The following ADCY3 variants were observed in gnomAD, a reference collection of about 807,000 sequenced individuals.
The protein encoded by ADCY3 is adenylate cyclase type 3.
A neutral mutation model predicts 119.4 loss-of-function variants in ADCY3; 70 were observed. The observed-to-expected ratio is 0.59, with a 90% CI of 0.48 to 0.72. ADCY3 has a LOEUF of 0.72. Ranked by LOEUF, ADCY3 falls within the 30% of genes least tolerant of loss-of-function variation. ADCY3 has a pLI of 0.00. For synonymous variants in ADCY3, 672 were observed against 621.4 expected, an observed-to-expected ratio of 1.08 and a Z score of -1.21; for missense variants, 1,238 against 1,541.6, an observed-to-expected ratio of 0.80 and a Z score of 3.30.
intron 3 of ADCY3, among the ~76,000 whole-genome samples, chr2:24,851,608 T>C (rs769007564): frequency 1.4e-4 from 22 of 152,162 alleles, no homozygotes; most frequent in Non-Finnish European, 2.8e-4. Context: ...TCTCATCTGC[T>C]TTAATGTTGT....
chr2:24,839,740 G>A, intron 7 of ADCY3, 133 bp downstream of exon 7: 3 of 1,308,322 alleles, frequency 2.3e-6, no homozygotes, highest in Non-Finnish European at 3.2e-6. Flanking sequence ...CGAGACAGGA[G>A]GAATGCTGTT....
Position 24,821,579 on chromosome 2 carries a change from G to A in ADCY3, c.3065C>T (p.Ala1022Val), listed in dbSNP as rs1404114442. ...HLADLADFAL[A>V]MKDTLTNINN... is the part of the protein sequence containing the mutation. ...GATGTTGGTGAGCGTATCCTTCATG[G>A]CCAGCGCGAAGTCGGCCAGGTCAGC... Residue 1022 changes from alanine (A) to valine (V), a missense_variant, in exon 20 of 22, where the codon GCC becomes GTC. Physicochemically the swap from Ala to Val is moderately conservative, Grantham distance 64. This residue lies in a region of ADCY3 where 63 missense variants were observed against 62.8 expected (regional missense o/e 1.00). Transcript: ENST00000679454. The A allele has an allele frequency of 6.2e-7, 1 of 1,614,026 alleles. No homozygotes were observed. Among genetic ancestry groups the A allele is most frequent in the African/African-American group, 1.3e-5 (1 of 74,932 alleles).
intron 6 of ADCY3, 110 bp from the exon 7 acceptor site, chr2:24,840,141 G>A (rs1558435698): frequency 7.0e-7 from 1 of 1,436,776 alleles, no homozygotes. Context: ...CTCCACAAGA[G>A]GGGGCCTGGC....
At position 24,834,336 on chromosome 2, in the gene ADCY3, G is replaced by T; in HGVS notation, c.1967+149C>A. On this transcript the variant is annotated intron_variant, in intron 11 of 21. Transcript: ENST00000679454. This position sits in a 1 kb window ranked among gnomAD's most constrained non-coding sequence, Gnocchi z 4.2. ...CCAGGGTGCCGTCTAGCACTCCTGG[G>T]GCCTGTGGGGGCCGTCCCAGTGGGG... 1.0e-6 allele frequency: 1 copy of T among 963,590 alleles called. No individual in the cohort carries two copies. Among genetic ancestry groups the T allele is most frequent in the Non-Finnish European group, 1.5e-6 (1 of 665,006 alleles). 59.7% of individuals were successfully genotyped at this position (963,590 alleles called of 1,614,324 possible).
chr2:24,847,090 C>G (rs554342277), intron 3 of ADCY3, among the ~76,000 whole-genome samples: 1 of 152,268 alleles, frequency 6.6e-6, no homozygotes, highest in East Asian at 1.9e-4. Flanking sequence ...CAAATCTCAA[C>G]TTGAATTCTA....
chr2:24,841,155 C>G lies in ADCY3; in HGVS notation c.1196+104G>C, dbSNP rs1434449804. On this transcript the variant is annotated intron_variant, in intron 6 of 21. Coordinates refer to ENST00000679454, the MANE Select transcript of ADCY3 (RefSeq NM_004036.5). This position sits in a 1 kb window ranked among gnomAD's most constrained non-coding sequence, Gnocchi z 5.8. ...GTCCCAGTCTCTGCTTCCAGCAGAT[C>G]CCCCACCCAGGGGCCATGGCCAGCG... The G allele has an allele frequency of 3.1e-6, 4 of 1,302,874 alleles. No homozygotes were observed. The highest frequency in any genetic ancestry group is 4.1e-6 in the Non-Finnish European group (4 of 977,768). The allele number at this position is 1,302,874 out of a possible 1,614,324, so 80.7% of individuals were successfully genotyped here.
Position 24,849,418 on chromosome 2 carries a change from G to A in ADCY3, c.826-7034C>T, listed in dbSNP as rs549896521. On this transcript the variant is annotated intron_variant, in intron 3 of 21. Coordinates refer to ENST00000679454, the MANE Select transcript of ADCY3 (RefSeq NM_004036.5). ...CCCTGGAGCCCAAAACAGGAGCCTC[G>A]GAAGGGCCACATGAGTGAAGCGGCC... Among the ~76,000 whole-genome samples the A allele has an allele frequency of 4.6e-5, 7 of 152,320 alleles. No homozygotes were observed. In the South Asian group the frequency reaches 6.2e-4, roughly 14 times the overall value.
Position 24,872,517 on chromosome 2 carries a change from G to A in ADCY3, c.825+53C>T, listed in dbSNP as rs1675143933. 3.8e-6 allele frequency: 6 copies of A among 1,588,082 alleles called. No individual in the cohort carries two copies. The highest frequency in any genetic ancestry group is 3.5e-5 in the Admixed American group (2 of 57,028). On this transcript the variant is annotated intron_variant, in intron 3 of 21. Transcript: ENST00000679454. This position sits in a 1 kb window ranked among gnomAD's most constrained non-coding sequence, Gnocchi z 4.4. The stretch of plus-strand genomic sequence containing the variant: ...GCTCTGGTTCCTCTCCCTCTGACAA[G>A]GCCACAGTCCCTGAGCCCAAGCTCC...
At chr2:24,825,584 C>T (rs2148405951) in intron 16 of ADCY3, 1 of 168,370 alleles carries the variant, frequency 5.9e-6, no homozygotes, top group South Asian at 1.5e-4. Context: ...GATCCTCCAC[C>T]CTCAGCCTCC....
intron 2 of ADCY3, among the ~76,000 whole-genome samples, chr2:24,893,440 C>A (rs1677930526): frequency 6.6e-6 from 1 of 152,086 alleles, no homozygotes. Flanking sequence ...TGGTCTTGAT[C>A]TCCCGGCCTC....
At chr2:24,851,636 G>C (rs978305792) in intron 3 of ADCY3, among the ~76,000 whole-genome samples, 6 of 152,134 alleles carry the variant, frequency 3.9e-5, no homozygotes, top group African/African-American at 1.4e-4. Context: ...CAGATGTGAA[G>C]GTCCCCCCAG....
chr2:24,879,660 T>C (rs1049586035), intron 2 of ADCY3, among the ~76,000 whole-genome samples: 1 of 152,188 alleles, frequency 6.6e-6, no homozygotes, highest in Non-Finnish European at 1.5e-5. Flanking sequence ...GGCAGAGTTT[T>C]CTTATTCTCA....
chr2:24,821,848 G>T, intron 19 of ADCY3: 1 of 636,846 alleles, frequency 1.6e-6, no homozygotes, highest in Non-Finnish European at 2.6e-6. Flanking sequence ...CAAAGACTGG[G>T]CAATTGAGCA....
Position 24,841,502 on chromosome 2 carries a change from C to CAG in ADCY3, c.1068+52_1068+53dup. ...CATGGGGCCGGGGATGGGGGCCAGGCAGAGGCCATGAGGGCAGGCCCCGCT... is the reference window on the plus strand; with the variant it reads ...CATGGGGCCGGGGATGGGGGCCAGGCAGAGAGGCCATGAGGGCAGGCCCCGCT... On this transcript the variant is annotated intron_variant, in intron 5 of 21. Transcript: ENST00000679454. This position sits in a 1 kb window ranked among gnomAD's most constrained non-coding sequence, Gnocchi z 5.8. 1.9e-6 allele frequency: 3 copies of CAG among 1,593,854 alleles called. No homozygotes were observed. In the South Asian group the frequency reaches 3.4e-5, roughly 18 times the overall value.
At chr2:24,856,645 G>A (rs1673034901) in intron 3 of ADCY3, among the ~76,000 whole-genome samples, 1 of 152,162 alleles carries the variant, frequency 6.6e-6, no homozygotes, top group Non-Finnish European at 1.5e-5. Context: ...TGTGAAATCT[G>A]GAAACTCCAA....
At chr2:24,824,137 G>A (rs1668246005) in intron 17 of ADCY3, among the ~76,000 whole-genome samples, 1 of 152,258 alleles carries the variant, frequency 6.6e-6, no homozygotes, top group Non-Finnish European at 1.5e-5. Context: ...CCAAAGTCTT[G>A]TCTTCTGACA....
intron 2 of ADCY3, among the ~76,000 whole-genome samples, chr2:24,909,308 C>A (rs927960530): frequency 2.0e-5 from 3 of 152,160 alleles, no homozygotes; most frequent in Non-Finnish European, 2.9e-5. Flanking sequence ...TCTGGTGTTT[C>A]TGAAGCTTGT....
At chr2:24,910,876 ACCTCGTG>A (rs1397841326) in intron 2 of ADCY3, among the ~76,000 whole-genome samples, 1 of 151,972 alleles carries the variant, frequency 6.6e-6, no homozygotes, top group Non-Finnish European at 1.5e-5. Context: ...CGATCTCCTG[ACCTCGTG>A]ATCCACCCAC....
intron 3 of ADCY3, among the ~76,000 whole-genome samples, chr2:24,848,808 C>T (rs1416048465): frequency 6.6e-6 from 1 of 152,156 alleles, no homozygotes; most frequent in African/African-American, 2.4e-5. Context: ...TTGAAGTTGG[C>T]CAGAAGTTTT....
Sources: gnomAD v4.1 joint callset for allele counts (sites outside exome capture counted in the v4.1 genomes callset) on GRCh38, gnomAD v4.1.1 for gene constraint, gnomAD v4.1.1 regional missense constraint, Gnocchi (gnomAD v3.1) non-coding constraint, MANE v1.5 for transcripts, NCBI Gene and HGNC (gene_info 2026-07-23, HGNC 2026-07-21) for gene names.